The following DCDC2C variants were observed in gnomAD, a reference collection of about 807,000 sequenced individuals.
The protein encoded by DCDC2C is doublecortin domain containing 2C.
In DCDC2C, 44 loss-of-function variants were observed where a neutral mutation model predicts 45.0. The ratio of observed to expected loss-of-function variants is 0.98; its 90% CI spans 0.77 to 1.26. The LOEUF is 1.26. Ranked by LOEUF, DCDC2C falls within the 50% of genes most tolerant of loss-of-function variation. The pLI, the probability that DCDC2C is intolerant of heterozygous loss-of-function variation, is 0.00. For synonymous variants in DCDC2C, 187 were observed against 178.8 expected (o/e 1.05, Z -0.37); for missense variants, 447 against 468.9 (o/e 0.95, Z 0.43).
At chr2:3,804,182 T>C (rs1224889364) in intron 10 of DCDC2C, among the ~76,000 whole-genome samples, 1 of 152,074 alleles carries the variant, frequency 6.6e-6, no homozygotes, top group Non-Finnish European at 1.5e-5. Flanking sequence ...GGTCATAGAG[T>C]AGGTACTCAA....
chr2:3,729,128 C>T (rs545023484), intron 3 of DCDC2C, among the ~76,000 whole-genome samples: 73 of 152,310 alleles, frequency 4.8e-4, no homozygotes, highest in South Asian at 1.0e-3. Context: ...GGAGAAAAAG[C>T]GTTTAAAAGA....
In DCDC2C at chr2:3,708,500, A is replaced by G. The variant is rs540342368; in HGVS notation, c.288-49A>G. ...GTTTCTAAGGAGTCTGGAACTTTCT[A>G]TGTAAATATCTTCCTTCTAATGATG... is the stretch of plus-strand genomic sequence containing the variant. On this transcript the variant is annotated intron_variant, in intron 1 of 10. Coordinates refer to ENST00000399143, the MANE Select transcript of DCDC2C (RefSeq NM_001287444.2). The G allele has an allele frequency of 9.1e-5, 130 of 1,424,446 alleles. 1 individual carries two copies. The South Asian group carries it at 1.4e-3, about 15-fold the overall frequency. The allele number at this position is 1,424,446 out of a possible 1,614,324, so 88.2% of individuals were successfully genotyped here.
intron 8 of DCDC2C, among the ~76,000 whole-genome samples, chr2:3,770,629 A>C (rs1049126365): frequency 1.3e-5 from 2 of 152,252 alleles, no homozygotes; most frequent in Non-Finnish European, 2.9e-5. Context: ...TGATAAGGAA[A>C]CTAGGACATT....
At chr2:3,783,986 A>T in intron 9 of DCDC2C, among the ~76,000 whole-genome samples, 1 of 152,260 alleles carries the variant, frequency 6.6e-6, no homozygotes, top group Non-Finnish European at 1.5e-5. Context: ...TAAATCATTA[A>T]CACAAAGCCC....
At chr2:3,805,106 G>T (rs1404982793) in intron 10 of DCDC2C, among the ~76,000 whole-genome samples, 2 of 152,176 alleles carry the variant, frequency 1.3e-5, no homozygotes, top group East Asian at 3.8e-4. Context: ...ATCATGTGCA[G>T]GGCCAATGAC....
intron 3 of DCDC2C, among the ~76,000 whole-genome samples, chr2:3,739,138 T>C (rs1669119603): frequency 6.6e-6 from 1 of 152,266 alleles, no homozygotes; most frequent in South Asian, 2.1e-4. Context: ...TTTACAGATT[T>C]TTCTATTTAC....
At position 3,727,734 on chromosome 2, in the gene DCDC2C, C is replaced by T. The variant is rs953547654; in HGVS notation, c.416+655C>T. 3.9e-5 allele frequency among the ~76,000 whole-genome samples: 6 copies of T among 152,222 alleles called. No homozygotes were observed. In the East Asian group the frequency reaches 7.7e-4, roughly 20 times the overall value. On this transcript the variant is annotated intron_variant, in intron 3 of 10. Coordinates refer to ENST00000399143, the MANE Select transcript of DCDC2C (RefSeq NM_001287444.2). ...AGACACACACTTGACTTGAACGAAA[C>T]GTTGGTTTACATCCCGGCTTTTCGT...
At chr2:3,711,550 C>A (rs1349322354) in intron 2 of DCDC2C, among the ~76,000 whole-genome samples, 1 of 152,188 alleles carries the variant, frequency 6.6e-6, no homozygotes, top group Non-Finnish European at 1.5e-5. Flanking sequence ...TTTTTAAACT[C>A]TTTTGGGCAA....
chr2:3,778,843 G>T lies in DCDC2C; in HGVS notation c.982G>T (p.Glu328Ter). 1.3e-6 allele frequency: 2 copies of T among 1,551,138 alleles called. No homozygotes were observed. Among genetic ancestry groups the T allele is most frequent in the Non-Finnish European group, 1.7e-6 (2 of 1,147,108 alleles). ...QRQAEIVKED[E>*]EIHENTPDFE... ...ACAAGCTGAGATAGTTAAAGAAGAT[G>T]AAGAGATACATGAGAACACCCCTGA... is the stretch of plus-strand genomic sequence containing the variant. Residue 328 changes from glutamate to a stop codon, truncating the protein, a stop_gained, in exon 9 of 11, where the codon GAA (glutamate) becomes TAA (stop). Transcript: ENST00000399143. LOFTEE classifies it high-confidence loss of function.
intron 10 of DCDC2C, among the ~76,000 whole-genome samples, chr2:3,810,241 C>T (rs1572633964): frequency 6.6e-6 from 1 of 152,326 alleles, no homozygotes; most frequent in East Asian, 1.9e-4. Flanking sequence ...TTCTCCACAG[C>T]CTCACCAGCA....
At chr2:3,766,730 T>G (rs1455846262) in intron 6 of DCDC2C, among the ~76,000 whole-genome samples, 3 of 152,118 alleles carry the variant, frequency 2.0e-5, no homozygotes, top group Non-Finnish European at 4.4e-5. Context: ...AAATACCTAT[T>G]TATATACTTC....
chr2:3,738,876 A>G (rs1420998193), intron 3 of DCDC2C, among the ~76,000 whole-genome samples: 1 of 152,210 alleles, frequency 6.6e-6, no homozygotes, highest in Non-Finnish European at 1.5e-5. Context: ...CCTATCACAG[A>G]CTTCCAGGGA....
chr2:3,727,150 G>C (rs1668711756), intron 3 of DCDC2C, 71 bp downstream of exon 3: 1 of 1,279,406 alleles, frequency 7.8e-7, no homozygotes. Flanking sequence ...TTTCTATCCT[G>C]ACAAATGCCC....
intron 4 of DCDC2C, among the ~76,000 whole-genome samples, chr2:3,748,987 C>T (rs974788817): frequency 6.6e-6 from 1 of 152,182 alleles, no homozygotes; most frequent in East Asian, 1.9e-4. Context: ...TCACATCTAT[C>T]TTTTAATCAC....
rs1672358745 is a variant in DCDC2C, at chr2:3,847,302, C to G, written c.*119C>G. 1 of 637,180 alleles carries G rather than the reference C, an allele frequency of 1.6e-6. No homozygotes were observed. The highest frequency in any genetic ancestry group is 1.9e-5 in the African/African-American group (1 of 52,810). The allele number at this position is 637,180 out of a possible 1,614,324, so 39.5% of individuals were successfully genotyped here. The stretch of plus-strand genomic sequence containing the variant: ...TGTGGGGTGAAACTAAAGCCCCACA[C>G]AGTGGTGTCTTCTCGAAAGCCAAAG... On this transcript the variant is annotated 3_prime_UTR_variant, in exon 11 of 11. Coordinates refer to ENST00000399143, the MANE Select transcript of DCDC2C (RefSeq NM_001287444.2).
chr2:3,782,494 T>TTC (rs1670539980), intron 9 of DCDC2C, among the ~76,000 whole-genome samples: 1 of 152,028 alleles, frequency 6.6e-6, no homozygotes, highest in South Asian at 2.1e-4. Flanking sequence ...TTTTTTTTTT[T>TTC]TCGAGACGAA....
intron 8 of DCDC2C, among the ~76,000 whole-genome samples, chr2:3,776,173 T>G (rs1670327830): frequency 6.6e-6 from 1 of 152,208 alleles, no homozygotes; most frequent in African/African-American, 2.4e-5. Flanking sequence ...TTTTCTCTCT[T>G]TCCTTGGTGT....
At chr2:3,801,952 C>A (rs757730658) in intron 10 of DCDC2C, among the ~76,000 whole-genome samples, 7 of 152,234 alleles carry the variant, frequency 4.6e-5, no homozygotes, top group African/African-American at 1.7e-4. Context: ...GAGGCAGGAA[C>A]TCTTGGGCTT....
rs541805475 is a variant in DCDC2C, at chr2:3,774,218, T to C, written c.955-4598T>C. On this transcript the variant is annotated intron_variant, in intron 8 of 10. Coordinates refer to ENST00000399143, the MANE Select transcript of DCDC2C (RefSeq NM_001287444.2). ...GTAGAGTAACTCAGACGGAGGCCACTGAGATCCTTGGGGTGTTGGCTTTAA... is the reference window on the plus strand; with the variant it reads ...GTAGAGTAACTCAGACGGAGGCCACCGAGATCCTTGGGGTGTTGGCTTTAA... 2.0e-3 allele frequency among the ~76,000 whole-genome samples: 309 copies of C among 152,362 alleles called. 12 individuals are homozygous for C. The South Asian group carries it at 0.062, about 31-fold the overall frequency.
Sources: allele counts gnomAD v4.1 joint callset (sites outside exome capture counted in the v4.1 genomes callset), GRCh38; gene constraint gnomAD v4.1.1; transcripts MANE v1.5; gene names NCBI Gene and HGNC (gene_info 2026-07-23, HGNC 2026-07-21).